Variants in SASH1 observed in about 807,000 individuals in gnomAD.
The protein encoded by SASH1 is SAM and SH3 domain-containing protein 1.
SASH1 carries 44 observed loss-of-function variants against 125.2 expected under a neutral mutation model. The ratio of observed to expected loss-of-function variants is 0.35; its 90% CI spans 0.28 to 0.45. The LOEUF is 0.45. Among genes scored for constraint, SASH1 ranks in the 20% least tolerant of loss-of-function variants. The pLI, the probability that SASH1 is intolerant of heterozygous loss-of-function variation, is 1.00. For missense variants in SASH1, 1,426 were observed against 1,614.5 expected (o/e 0.88, Z 2.00); for synonymous variants, 639 against 649.1 (o/e 0.98, Z 0.24).
At chr6:148,466,889 C>A (rs912217337) in intron 4 of SASH1, among the ~76,000 whole-genome samples, 1 of 152,042 alleles carries the variant, frequency 6.6e-6, no homozygotes, top group East Asian at 1.9e-4. Flanking sequence ...GCAAAAATCA[C>A]CTCTTCCATC....
chr6:148,226,390 A>T, the SASH1 span, among the ~76,000 whole-genome samples: 3 of 152,138 alleles, frequency 2.0e-5, no homozygotes, highest in Non-Finnish European at 4.4e-5. Flanking sequence ...GACAATCATA[A>T]ATGGAGTGGG....
chr6:148,395,237 A>C (rs1320834936), intron 2 of SASH1, among the ~76,000 whole-genome samples: 1 of 152,232 alleles, frequency 6.6e-6, no homozygotes, highest in Non-Finnish European at 1.5e-5. Flanking sequence ...GTCTACAGAT[A>C]GGATACTTAG....
intron 4 of SASH1, among the ~76,000 whole-genome samples, chr6:148,448,945 T>TC (rs1279980801): frequency 3.3e-5 from 5 of 152,234 alleles, no homozygotes; most frequent in African/African-American, 1.2e-4. Context: ...CTGCTTTTTT[T>TC]CCTTGACCCT....
Position 148,549,824 on chromosome 6 carries a change from T to C in SASH1, c.*1266T>C. ...TCAGCACATTCTATCCTTTTTTTTT[T>C]TTGAAATGGAGTTTCGCTCTTGTCA... On this transcript the variant is annotated 3_prime_UTR_variant, in exon 20 of 20. Transcript: ENST00000367467. 5.7e-6 allele frequency: 2 copies of C among 350,254 alleles called. No homozygotes were observed. Among genetic ancestry groups the C allele is most frequent in the Non-Finnish European group, 1.0e-5 (2 of 196,160 alleles). The allele number at this position is 350,254 out of a possible 1,614,324, so 21.7% of individuals were successfully genotyped here.
chr6:148,369,515 T>A (rs1782624817), intron 1 of SASH1, among the ~76,000 whole-genome samples: 1 of 152,196 alleles, frequency 6.6e-6, no homozygotes, highest in South Asian at 2.1e-4. Flanking sequence ...CTACATGGAT[T>A]ATGTCTTTAT....
At chr6:148,281,362 G>A (rs1414223447) in intron 1 of SASH1, among the ~76,000 whole-genome samples, 2 of 152,088 alleles carry the variant, frequency 1.3e-5, no homozygotes, top group African/African-American at 4.8e-5. Flanking sequence ...GGGTCAGATG[G>A]ACTAGAAACA....
chr6:148,381,769 C>G (rs1413515513), intron 1 of SASH1, among the ~76,000 whole-genome samples: 3 of 151,706 alleles, frequency 2.0e-5, no homozygotes, highest in African/African-American at 7.3e-5. Flanking sequence ...GCTGGGATTA[C>G]AGGCATGCAC....
the SASH1 span, among the ~76,000 whole-genome samples, chr6:148,261,253 A>T: frequency 2.0e-5 from 3 of 152,200 alleles, no homozygotes; most frequent in Non-Finnish European, 2.9e-5. Flanking sequence ...CATTGTATCC[A>T]AACAGCCTCT....
At chr6:148,347,864 A>G (rs183113856) in intron 1 of SASH1, among the ~76,000 whole-genome samples, 3 of 152,278 alleles carry the variant, frequency 2.0e-5, no homozygotes, top group Non-Finnish European at 4.4e-5. Context: ...CTCAACTCTC[A>G]TTTAGAGAGA....
chr6:148,202,654 G>A, the SASH1 span, among the ~76,000 whole-genome samples: 32 of 152,326 alleles, frequency 2.1e-4, no homozygotes, highest in African/African-American at 7.5e-4. Flanking sequence ...AGGAATTTCT[G>A]GGGAAAGAAA....
chr6:148,256,799 G>C, the SASH1 span, among the ~76,000 whole-genome samples: 1 of 152,118 alleles, frequency 6.6e-6, no homozygotes, highest in Non-Finnish European at 1.5e-5. Flanking sequence ...ATACTTAAGA[G>C]GGTGAATTTT....
chr6:148,441,860 T>C (rs995167849), intron 4 of SASH1, among the ~76,000 whole-genome samples: 1 of 152,220 alleles, frequency 6.6e-6, no homozygotes, highest in African/African-American at 2.4e-5. Context: ...GGCATGGCTC[T>C]TGTGGCTGAG....
intron 17 of SASH1, 41 bp downstream of exon 17, chr6:148,540,597 T>G (rs1782161784): frequency 2.1e-6 from 3 of 1,443,170 alleles, no homozygotes; most frequent in African/African-American, 1.4e-5. Flanking sequence ...CTTTGACAAG[T>G]ACTGATTTCA....
intron 4 of SASH1, 81 bp from the exon 5 acceptor site, chr6:148,468,463 TG>T: frequency 9.6e-7 from 1 of 1,037,988 alleles, no homozygotes. Flanking sequence ...GTATTGATGC[TG>T]GGTCAAACTA....
At chr6:148,415,572 G>T (rs550511399) in intron 2 of SASH1, among the ~76,000 whole-genome samples, 2 of 152,304 alleles carry the variant, frequency 1.3e-5, no homozygotes, top group East Asian at 1.9e-4. Context: ...AAGTAACTTG[G>T]TATGATCATT....
intron 1 of SASH1, among the ~76,000 whole-genome samples, chr6:148,295,284 ATTTTCAGCAC>A (rs1779737910): frequency 6.6e-6 from 1 of 152,062 alleles, no homozygotes; most frequent in East Asian, 1.9e-4. Flanking sequence ...TTACAGAGGC[ATTTTCAGCAC>A]TTAGAGAAAG....
At chr6:148,370,352 T>C (rs1782661355) in intron 1 of SASH1, among the ~76,000 whole-genome samples, 1 of 152,204 alleles carries the variant, frequency 6.6e-6, no homozygotes, top group Non-Finnish European at 1.5e-5. Context: ...AACTGGTGTG[T>C]GGAAAGTTTT....
At position 148,492,029 on chromosome 6, in the gene SASH1, G is replaced by A. The variant is rs370703595; in HGVS notation, c.729+4314G>A. On this transcript the variant is annotated intron_variant, in intron 8 of 19. Coordinates refer to ENST00000367467, the MANE Select transcript of SASH1 (RefSeq NM_015278.5). The stretch of plus-strand genomic sequence containing the variant: ...AGGACTGATTCAAACCCAACTTGGG[G>A]GAGAAAACAAAGACCCAGTTGTCCA... Among the ~76,000 whole-genome samples, 7 of 152,106 alleles carry A rather than the reference G, an allele frequency of 4.6e-5. No homozygotes were observed. The East Asian group carries it at 9.6e-4, about 21-fold the overall frequency.
chr6:148,327,165 T>C (rs896014462), intron 1 of SASH1, among the ~76,000 whole-genome samples: 2 of 152,184 alleles, frequency 1.3e-5, no homozygotes, highest in East Asian at 3.9e-4. Flanking sequence ...GACTAAGTGA[T>C]CCTGAACTCC....
Sources: allele counts gnomAD v4.1 joint callset (sites outside exome capture counted in the v4.1 genomes callset), GRCh38; gene constraint gnomAD v4.1.1; transcripts MANE v1.5; gene names NCBI Gene and HGNC (gene_info 2026-07-23, HGNC 2026-07-21).